Variants in TLE2 observed in about 807,000 individuals in gnomAD.
TLE2 encodes transducin-like enhancer protein 2.
In TLE2, 74 loss-of-function variants were observed where a neutral mutation model predicts 97.2. That is an observed-to-expected ratio of 0.76 (90% CI 0.63 to 0.92). The LOEUF (loss-of-function observed/expected upper bound fraction) is 0.92, where lower values mean the gene tolerates loss of function less well. Among genes scored for constraint, TLE2 ranks in the 40% least tolerant of loss-of-function variants. The pLI is 0.00. For missense variants in TLE2, 1,038 were observed against 1,008.7 expected, an observed-to-expected ratio of 1.03 and a Z score of -0.39; for synonymous variants, 499 against 432.1, an observed-to-expected ratio of 1.15 and a Z score of -1.92.
chr19:3,020,472 G>A (rs1599231639), intron 5 of TLE2: 1 of 151,582 alleles, frequency 6.6e-6, no homozygotes, highest in African/African-American at 2.4e-5. Flanking sequence ...GTGATAAATC[G>A]GCACCATGGA....
At chr19:3,017,637 G>A (rs146615644) in intron 8 of TLE2, among the ~76,000 whole-genome samples, 1 of 151,538 alleles carries the variant, frequency 6.6e-6, no homozygotes, top group African/African-American at 2.4e-5. Flanking sequence ...TTTTTCTGTA[G>A]AGACGGGGTT....
At chr19:3,027,784 A>G in intron 4 of TLE2, 45 bp downstream of exon 4, 8 of 1,566,338 alleles carry the variant, frequency 5.1e-6, no homozygotes, top group Non-Finnish European at 5.2e-6. Flanking sequence ...GGGCTTCCAG[A>G]CCCCCACCCT....
rs1209876609 is a variant in TLE2 at position 3,018,855 on chromosome 19, T to C, written c.550+428A>G. 2.6e-5 allele frequency among the ~76,000 whole-genome samples: 4 copies of C among 152,038 alleles called. No homozygotes were observed. In the East Asian group the frequency reaches 7.8e-4, roughly 30 times the overall value. On this transcript the variant is annotated intron_variant, in intron 7 of 19. Coordinates refer to ENST00000262953, the MANE Select transcript of TLE2 (RefSeq NM_003260.5). ...CTGCTCTCGAACTCCTGGCCTCAGG[T>C]GATCCAGCCACCTCGGCCTCCCAAA... is the stretch of plus-strand genomic sequence containing the variant.
chr19:3,016,000 C>T, intron 8 of TLE2: 2 of 602,396 alleles, frequency 3.3e-6, no homozygotes, highest in Non-Finnish European at 6.2e-6. Flanking sequence ...GCAGTGGAGC[C>T]ATCTCGGCCC....
chr19:3,000,567 CAG>C, intron 19 of TLE2, 78 bp downstream of exon 19: 2 of 1,336,286 alleles, frequency 1.5e-6, no homozygotes, highest in South Asian at 1.3e-5. Flanking sequence ...GGGACAGGGA[CAG>C]GGGCAATCTC....
At chr19:3,009,468 T>C (rs2089543877) in intron 13 of TLE2, 74 bp downstream of exon 13, 6 of 1,471,292 alleles carry the variant, frequency 4.1e-6, no homozygotes, top group African/African-American at 1.4e-5. Context: ...TCTCCTTGTG[T>C]AGTTGGTTTC....
chr19:3,010,294 C>T (rs56305743), intron 12 of TLE2, among the ~76,000 whole-genome samples: 3,239 of 149,890 alleles, frequency 0.022, 50 homozygotes, highest in Middle Eastern at 0.038. Flanking sequence ...AACCTGGGAG[C>T]GGGAGGTTGC....
upstream of TLE2, among the ~76,000 whole-genome samples, chr19:3,030,749 A>G (rs1034328362): frequency 4.6e-5 from 7 of 151,858 alleles, no homozygotes; most frequent in African/African-American, 1.7e-4. Flanking sequence ...CACCGCGACA[A>G]TACAAAAAAA....
chr19:3,025,627 T>A (rs898251955), intron 4 of TLE2: 2 of 985,696 alleles, frequency 2.0e-6, no homozygotes, highest in African/African-American at 3.5e-5. Flanking sequence ...GGAGAGGGTC[T>A]GGGCCCAGGT....
chr19:3,027,428 A>T (rs1482615905), intron 4 of TLE2, among the ~76,000 whole-genome samples: 5 of 152,148 alleles, frequency 3.3e-5, no homozygotes, highest in African/African-American at 1.2e-4. Flanking sequence ...CCATCTCAAA[A>T]CTTCAGACTT....
chr19:3,008,832 CG>C (rs2089529643), intron 14 of TLE2, 36 bp downstream of exon 14: 4 of 1,485,328 alleles, frequency 2.7e-6, no homozygotes, highest in Non-Finnish European at 2.7e-6. Context: ...GGGGCTGGCC[CG>C]GGACCCCAGG....
rs114834690 is a variant in TLE2, at chr19:3,040,708, C to T, written c.63+5018G>A. Among the ~76,000 whole-genome samples the T allele has an allele frequency of 6.6e-3, 1,008 of 152,044 alleles. 14 individuals are homozygous for T. Among genetic ancestry groups the T allele is most frequent in the African/African-American group, 0.023 (959 of 41,458 alleles). On this transcript the variant is annotated intron_variant, in intron 1 of 18. Coordinates refer to the TLE2 transcript ENST00000426948. ...CGTCGCCCAGGCTGGAGTGCAGTGACATGATCACGGCTCCCTGCAAGCCTC... is the reference window on the plus strand; with the variant it reads ...CGTCGCCCAGGCTGGAGTGCAGTGATATGATCACGGCTCCCTGCAAGCCTC...
chr19:3,017,760 A>G (rs1330558458), intron 8 of TLE2, 80 bp downstream of exon 8: 3 of 1,418,810 alleles, frequency 2.1e-6, no homozygotes, highest in South Asian at 1.3e-5. Context: ...CCTAGGTCTC[A>G]TTCTGAGGCC....
At chr19:3,045,280 G>A (rs575781505) in intron 1 of TLE2, among the ~76,000 whole-genome samples, 6 of 152,294 alleles carry the variant, frequency 3.9e-5, no homozygotes, top group African/African-American at 7.2e-5. Context: ...TAGGAACAGC[G>A]TGTTCCAGGC....
At chr19:3,000,333 C>A (rs1157218657) in intron 19 of TLE2, among the ~76,000 whole-genome samples, 9 of 151,920 alleles carry the variant, frequency 5.9e-5, no homozygotes, top group African/African-American at 9.7e-5. Context: ...CCTCAGCCTC[C>A]CAAAGTGCTG....
rs1351230832 is a variant in TLE2 at position 3,028,304 on chromosome 19, C to T, written c.186+15G>A. On this transcript the variant is annotated intron_variant, in intron 3 of 19. Transcript: ENST00000262953. ...CCCGCCTCTCCCCTCACCCTGGCATCATAAGTGCCCTCACCATGACATAAT... is the reference window on the plus strand; with the variant it reads ...CCCGCCTCTCCCCTCACCCTGGCATTATAAGTGCCCTCACCATGACATAAT... 9.4e-6 allele frequency: 15 copies of T among 1,603,712 alleles called. No individual in the cohort carries two copies. In the Admixed American group the frequency reaches 2.6e-4, roughly 27 times the overall value.
chr19:3,014,572 C>A lies in TLE2; in HGVS notation c.721G>T (p.Glu241Ter), dbSNP rs776463867. 2.5e-6 allele frequency: 4 copies of A among 1,589,276 alleles called. No individual in the cohort carries two copies. Among genetic ancestry groups the A allele is most frequent in the African/African-American group, 2.7e-5 (2 of 73,730 alleles). ...AGAGGCTGGACCCCTGGACTCACCT[C>A]GTCCACCACCAGATTGTAATCACTC... ...DKSDYNLVVD[E>*]DQPSEPPSPA... Residue 241 changes from glutamate (E) to a stop codon, truncating the protein, a stop_gained and splice_region_variant, in exon 10 of 20, where the codon GAG (glutamate) becomes TAG (stop). Transcript: ENST00000262953. LOFTEE classifies it high-confidence loss of function.
rs1482030405 is a variant in TLE2, at chr19:3,028,362, T to C, written c.143A>G (p.Lys48Arg). 1.2e-6 allele frequency: 2 copies of C among 1,608,660 alleles called. No individual in the cohort carries two copies. The highest frequency in any genetic ancestry group is 1.7e-6 in the Non-Finnish European group (2 of 1,177,348). ...CATTTCCGTCTTCTCGCTGGCCAGC[T>C]TCTCACATTCTAGCTTGAGGCTGAG... ...QYHSLKLECE[K>R]LASEKTEMQR... The change falls in exon 3 of 20, where the codon AAG (lysine) becomes AGG (arginine). Residue 48 changes from lysine to arginine, a missense_variant. Lys to Arg is a conservative substitution (Grantham distance 26, BLOSUM62 2). Coordinates refer to ENST00000262953, the MANE Select transcript of TLE2 (RefSeq NM_003260.5).
rs191668168 is a variant in TLE2 at position 3,015,815 on chromosome 19, T to C, written c.571-55A>G. The C allele has an allele frequency of 1.1e-5, 15 of 1,348,596 alleles. No individual in the cohort carries two copies. The East Asian group carries it at 1.5e-4, about 13-fold the overall frequency. The allele number at this position is 1,348,596 out of a possible 1,614,324, so 83.5% of individuals were successfully genotyped here. A position where few individuals can be genotyped will look rare whatever the true frequency, so the allele number is the denominator to read the frequency against. On this transcript the variant is annotated intron_variant, in intron 8 of 19. Transcript: ENST00000262953. Reference sequence around the variant, plus strand: ...AGGGTCAGGGCCCTGGGCTCCTAGATTGCATTGTGATCCAGCCGAGACTGA... The same window carrying C: ...AGGGTCAGGGCCCTGGGCTCCTAGACTGCATTGTGATCCAGCCGAGACTGA...
Sources: allele counts gnomAD v4.1 joint callset (sites outside exome capture counted in the v4.1 genomes callset), GRCh38; gene constraint gnomAD v4.1.1; transcripts MANE v1.5; gene names NCBI Gene and HGNC (gene_info 2026-07-23, HGNC 2026-07-21).